The following SERINC1 variants were observed in gnomAD, a reference collection of about 807,000 sequenced individuals.
SERINC1 encodes serine incorporator 1.
Under a neutral mutation model 52.9 loss-of-function variants are expected in SERINC1, and 38 were observed. The observed-to-expected ratio is 0.72, with a 90% confidence interval of 0.55 to 0.94. The LOEUF (loss-of-function observed/expected upper bound fraction) is 0.94. SERINC1 is among the 40% of genes least tolerant of loss of function. SERINC1 has a pLI of 0.00. For missense variants in SERINC1, 471 were observed against 533.9 expected, an observed-to-expected ratio of 0.88 and a Z score of 1.16; for synonymous variants, 198 against 183.1, an observed-to-expected ratio of 1.08 and a Z score of -0.66.
intron 1 of SERINC1, among the ~76,000 whole-genome samples, chr6:122,466,423 TC>T (rs1775193545): frequency 6.6e-6 from 1 of 151,988 alleles, no homozygotes; most frequent in Non-Finnish European, 1.5e-5. Context: ...GTTTAGGTGA[TC>T]CCCCCACCTC....
At chr6:122,458,495 T>C in intron 2 of SERINC1, 25 bp downstream of exon 2, 1 of 1,571,394 alleles carries the variant, frequency 6.4e-7, no homozygotes, top group African/African-American at 1.4e-5. Flanking sequence ...CCTCAGTTAA[T>C]CAATAAATAA....
chr6:122,471,185 C>A (rs977164585), intron 1 of SERINC1, among the ~76,000 whole-genome samples: 5 of 151,940 alleles, frequency 3.3e-5, no homozygotes, highest in African/African-American at 4.8e-5. Flanking sequence ...TACTGCCAGG[C>A]GGTTCCAAAT....
intron 9 of SERINC1, 78 bp downstream of exon 9, chr6:122,446,696 T>C (rs1025388613): frequency 2.2e-6 from 2 of 925,866 alleles, no homozygotes; most frequent in Non-Finnish European, 3.4e-6. Context: ...GTACTTCATA[T>C]CACATCATGG....
intron 1 of SERINC1, among the ~76,000 whole-genome samples, chr6:122,463,101 A>T (rs570751325): frequency 1.3e-5 from 2 of 152,240 alleles, no homozygotes; most frequent in African/African-American, 2.4e-5. Flanking sequence ...TATAGGGAAA[A>T]GGGTGGACAC....
At chr6:122,460,652 C>G (rs1775085617) in intron 1 of SERINC1, among the ~76,000 whole-genome samples, 1 of 152,066 alleles carries the variant, frequency 6.6e-6, no homozygotes, top group South Asian at 2.1e-4. Flanking sequence ...AAAAGTATAT[C>G]CAGCGCTGAT....
Position 122,451,979 on chromosome 6 carries a change from G to A in SERINC1, c.668C>T (p.Pro223Leu). 1 of 1,599,452 alleles carries A rather than the reference G, an allele frequency of 6.3e-7. No homozygotes were observed. Among genetic ancestry groups the A allele is most frequent in the Non-Finnish European group, 8.5e-7 (1 of 1,173,326 alleles). The change falls in exon 6 of 10, where the codon CCA becomes CTA. Residue 223 changes from proline to leucine, a missense_variant. Pro to Leu is a moderately conservative substitution (Grantham distance 98). Transcript: ENST00000339697. ...CGCCTTGTTTTCTGAACAACTGGCT[G>A]GATGAGTGTAGTAGACAAAGAACAG... ...IVLFFVYYTH[P>L]ASCSENKAFI...
At chr6:122,448,764 A>C (rs1288269412) in intron 7 of SERINC1, among the ~76,000 whole-genome samples, 1 of 146,474 alleles carries the variant, frequency 6.8e-6, no homozygotes, top group Non-Finnish European at 1.5e-5. Context: ...ACATAGACAT[A>C]CCTTGTTTTA....
intron 7 of SERINC1, among the ~76,000 whole-genome samples, chr6:122,448,449 A>C (rs1208328087): frequency 6.6e-6 from 1 of 152,180 alleles, no homozygotes; most frequent in African/African-American, 2.4e-5. Context: ...TTTTAGGAAA[A>C]GAGATCATTT....
chr6:122,458,403 G>A (rs1202893916), intron 2 of SERINC1, 117 bp downstream of exon 2: 2 of 616,038 alleles, frequency 3.2e-6, no homozygotes, highest in East Asian at 5.8e-5. Flanking sequence ...CTACAACTAG[G>A]ATTACATACT....
At chr6:122,457,418 A>G (rs934002098) in intron 2 of SERINC1, among the ~76,000 whole-genome samples, 4 of 152,128 alleles carry the variant, frequency 2.6e-5, no homozygotes, top group Admixed American at 6.5e-5. Context: ...TTTCTCTTTT[A>G]AATTCCTTCA....
In SERINC1 at chr6:122,444,809, A is replaced by T. The variant is rs539621237; in HGVS notation, c.*235T>A. 43 of 476,274 alleles carry T rather than the reference A, an allele frequency of 9.0e-5. No homozygotes were observed. The South Asian group carries it at 1.1e-3, about 12-fold the overall frequency. The allele number at this position is 476,274 out of a possible 1,614,324, so 29.5% of individuals were successfully genotyped here. On this transcript the variant is annotated 3_prime_UTR_variant, in exon 10 of 10. Transcript: ENST00000339697. ...GCAGAGAATAAGCCCAATAATGGCC[A>T]CTTTTACTAACTCATCACCATATTC...
intron 1 of SERINC1, among the ~76,000 whole-genome samples, chr6:122,470,801 C>CAA (rs1775277563): frequency 6.6e-6 from 1 of 151,948 alleles, no homozygotes; most frequent in South Asian, 2.1e-4. Flanking sequence ...GATTTGAGTC[C>CAA]AAATACCTCG....
At chr6:122,468,255 C>G (rs963748784) in intron 1 of SERINC1, among the ~76,000 whole-genome samples, 15 of 152,180 alleles carry the variant, frequency 9.9e-5, no homozygotes, top group African/African-American at 3.6e-4. Context: ...ACCAGACTTT[C>G]TTAACCATGT....
intron 2 of SERINC1, among the ~76,000 whole-genome samples, chr6:122,457,015 T>G (rs1216755695): frequency 4.6e-5 from 7 of 152,062 alleles, no homozygotes; most frequent in Admixed American, 2.6e-4. Flanking sequence ...AATACATCTA[T>G]TATTCATATA....
In SERINC1 at chr6:122,456,464, C is replaced by CT; in HGVS notation, c.371+16dup. The stretch of plus-strand genomic sequence containing the variant: ...GGCTACCCAAGCTTTTATATTGAAG[C>CT]TTATTTAAAAACTTACCCATTGTGC... On this transcript the variant is annotated intron_variant, in intron 3 of 9. Coordinates refer to ENST00000339697, the MANE Select transcript of SERINC1 (RefSeq NM_020755.4). 1.4e-6 allele frequency: 2 copies of CT among 1,463,454 alleles called. No homozygotes were observed. The highest frequency in any genetic ancestry group is 1.8e-6 in the Non-Finnish European group (2 of 1,101,896). The allele number at this position is 1,463,454 out of a possible 1,614,324, so 90.7% of individuals were successfully genotyped here.
intron 1 of SERINC1, among the ~76,000 whole-genome samples, chr6:122,463,212 C>A (rs1242663482): frequency 2.0e-5 from 3 of 152,142 alleles, no homozygotes; most frequent in Non-Finnish European, 4.4e-5. Context: ...AAAGGATAAT[C>A]TTTTTAACAG....
intron 5 of SERINC1, 87 bp from the exon 6 acceptor site, chr6:122,452,144 C>T (rs1338993843): frequency 2.3e-6 from 2 of 851,748 alleles, no homozygotes; most frequent in Non-Finnish European, 3.3e-6. Flanking sequence ...AACAATCTGT[C>T]ATTTTGTCAA....
intron 3 of SERINC1, among the ~76,000 whole-genome samples, chr6:122,455,188 A>C (rs1025003089): frequency 6.6e-6 from 1 of 152,160 alleles, no homozygotes. Flanking sequence ...AATTGAATTC[A>C]AGGATGCAAA....
chr6:122,445,215 G>A, intron 9 of SERINC1, 36 bp from the exon 10 acceptor site: 1 of 1,603,552 alleles, frequency 6.2e-7, no homozygotes, highest in Non-Finnish European at 8.5e-7. Flanking sequence ...AAAGGGGCAA[G>A]GGGGTTGAAT....
Sources: allele counts gnomAD v4.1 joint callset (sites outside exome capture counted in the v4.1 genomes callset), GRCh38; gene constraint gnomAD v4.1.1; transcripts MANE v1.5; gene names NCBI Gene and HGNC (gene_info 2026-07-23, HGNC 2026-07-21).